Variants in L3MBTL4 observed in about 807,000 individuals in gnomAD.
The protein encoded by L3MBTL4 is lethal(3)malignant brain tumor-like protein 4.
A neutral mutation model predicts 84.5 loss-of-function variants in L3MBTL4; 70 were observed. The observed-to-expected ratio is 0.83, with a 90% confidence interval of 0.68 to 1.01. L3MBTL4 has a LOEUF of 1.01. Among genes scored for constraint, L3MBTL4 ranks in the 50% least tolerant of loss-of-function variants. The pLI is 0.00. For synonymous variants in L3MBTL4, 274 were observed against 259.8 expected (o/e 1.05, Z -0.52); for missense variants, 715 against 754.8 (o/e 0.95, Z 0.62).
chr18:6,316,464 G>A (rs905979750), intron 1 of L3MBTL4, among the ~76,000 whole-genome samples: 30 of 152,198 alleles, frequency 2.0e-4, no homozygotes, highest in Non-Finnish European at 3.8e-4. Context: ...CAATGCTGGT[G>A]CTCGTGAAGG....
intron 16 of L3MBTL4, among the ~76,000 whole-genome samples, chr18:6,048,831 T>C (rs568517819): frequency 1.3e-5 from 2 of 150,578 alleles, no homozygotes; most frequent in Non-Finnish European, 3.0e-5. Context: ...TGGTACAGTG[T>C]ATACCTCCAG....
intron 16 of L3MBTL4, among the ~76,000 whole-genome samples, chr18:5,981,781 C>G (rs907443023): frequency 9.9e-5 from 15 of 151,540 alleles, no homozygotes; most frequent in Non-Finnish European, 2.2e-4. Flanking sequence ...GGCTGAGGGA[C>G]AAAGTGACAT....
At chr18:6,131,611 C>G (rs554156313) in intron 14 of L3MBTL4, among the ~76,000 whole-genome samples, 2 of 152,196 alleles carry the variant, frequency 1.3e-5, no homozygotes, top group South Asian at 4.1e-4. Flanking sequence ...TAATAGTACA[C>G]CTAGGAATCT....
At chr18:5,999,500 T>C (rs141248444) in intron 16 of L3MBTL4, among the ~76,000 whole-genome samples, 1 of 152,322 alleles carries the variant, frequency 6.6e-6, no homozygotes, top group African/African-American at 2.4e-5. Flanking sequence ...ATGTGTTGAA[T>C]GGAATGAAAG....
intron 4 of L3MBTL4, among the ~76,000 whole-genome samples, chr18:6,269,675 A>G (rs1205702077): frequency 6.6e-6 from 1 of 152,258 alleles, no homozygotes; most frequent in African/African-American, 2.4e-5. Flanking sequence ...TATCGTTATG[A>G]TCACACATTA....
chr18:5,957,489 T>A (rs893133289), intron 18 of L3MBTL4, among the ~76,000 whole-genome samples: 1 of 151,824 alleles, frequency 6.6e-6, no homozygotes, highest in Non-Finnish European at 1.5e-5. Flanking sequence ...AGCTTCTGGA[T>A]GCCCCAGTGA....
At chr18:5,966,749 TA>T (rs1191789039) in intron 17 of L3MBTL4, among the ~76,000 whole-genome samples, 1 of 151,802 alleles carries the variant, frequency 6.6e-6, no homozygotes, top group East Asian at 2.0e-4. Flanking sequence ...ATTTCACTTC[TA>T]ATGGCACCAC....
chr18:6,334,226 C>T (rs1407407320), intron 1 of L3MBTL4, among the ~76,000 whole-genome samples: 2 of 152,142 alleles, frequency 1.3e-5, no homozygotes, highest in Admixed American at 1.3e-4. Flanking sequence ...GAACAGGAGT[C>T]CCAGTTGGTG....
At chr18:6,131,076 T>C (rs1203403089) in intron 14 of L3MBTL4, among the ~76,000 whole-genome samples, 2 of 152,228 alleles carry the variant, frequency 1.3e-5, no homozygotes, top group Non-Finnish European at 2.9e-5. Flanking sequence ...AATATTTTGA[T>C]GTCATCGTTC....
intron 4 of L3MBTL4, among the ~76,000 whole-genome samples, chr18:6,274,127 C>T (rs1044105215): frequency 2.0e-5 from 3 of 152,192 alleles, no homozygotes; most frequent in African/African-American, 7.2e-5. Context: ...TCAAAGGTTT[C>T]CCAAACCATG....
At chr18:6,168,743 T>A (rs1160674663) in intron 13 of L3MBTL4, among the ~76,000 whole-genome samples, 3 of 151,310 alleles carry the variant, frequency 2.0e-5, no homozygotes, top group South Asian at 2.1e-4. Flanking sequence ...AACCTAGGCA[T>A]TACCATTCAG....
rs747151378 is a variant in L3MBTL4, at chr18:6,093,346, G to A, written c.1373+9C>T. 2 of 1,587,974 alleles carry A rather than the reference G, an allele frequency of 1.3e-6. No individual in the cohort carries two copies. The highest frequency in any genetic ancestry group is 1.7e-6 in the Non-Finnish European group (2 of 1,171,790). Reference sequence around the variant, plus strand: ...ACTTTCTGGCTCACATTTTTAAGAAGTTTCTTACCTGGGCTGACTGTTCAC... The same window carrying A: ...ACTTTCTGGCTCACATTTTTAAGAAATTTCTTACCTGGGCTGACTGTTCAC... On this transcript the variant is annotated intron_variant, in intron 15 of 18. Transcript: ENST00000317931.
intron 14 of L3MBTL4, among the ~76,000 whole-genome samples, chr18:6,128,037 G>A (rs572740606): frequency 7.7e-6 from 1 of 129,570 alleles, no homozygotes; most frequent in African/African-American, 3.5e-5. Context: ...ATTGGGTGGG[G>A]CGGGGGAAGA....
chr18:6,032,570 T>C (rs1263006346), intron 16 of L3MBTL4, among the ~76,000 whole-genome samples: 3 of 152,008 alleles, frequency 2.0e-5, no homozygotes, highest in Non-Finnish European at 2.9e-5. Context: ...ACACACAATA[T>C]TTACCGTCTT....
intron 16 of L3MBTL4, among the ~76,000 whole-genome samples, chr18:5,995,052 G>C (rs2053888471): frequency 6.6e-6 from 1 of 152,204 alleles, no homozygotes; most frequent in African/African-American, 2.4e-5. Context: ...AAAGTATATT[G>C]AAAGCTAATT....
At chr18:6,376,384 C>T (rs1339547762) in intron 1 of L3MBTL4, among the ~76,000 whole-genome samples, 2 of 152,230 alleles carry the variant, frequency 1.3e-5, no homozygotes, top group Non-Finnish European at 2.9e-5. Context: ...GATGAAATTA[C>T]ACTGTCTGTT....
intron 16 of L3MBTL4, 143 bp downstream of exon 16, chr18:6,080,738 C>CTAGA: frequency 1.7e-6 from 1 of 592,746 alleles, no homozygotes; most frequent in Admixed American, 3.2e-5. Context: ...AGGGCGGGAA[C>CTAGA]TAGAACACAA....
chr18:6,008,619 G>A (rs1199925303), intron 16 of L3MBTL4, among the ~76,000 whole-genome samples: 1 of 152,108 alleles, frequency 6.6e-6, no homozygotes. Flanking sequence ...TCACCCTCAT[G>A]GCCACATCTG....
intron 1 of L3MBTL4, among the ~76,000 whole-genome samples, chr18:6,380,918 G>A (rs2144346488): frequency 6.6e-6 from 1 of 152,276 alleles, no homozygotes; most frequent in African/African-American, 2.4e-5. Context: ...ACAGTGAGGT[G>A]TTAAAGTCTC....
Sources: gnomAD v4.1 joint callset for allele counts (sites outside exome capture counted in the v4.1 genomes callset) on GRCh38, gnomAD v4.1.1 for gene constraint, MANE v1.5 for transcripts, NCBI Gene and HGNC (gene_info 2026-07-23, HGNC 2026-07-21) for gene names.